The following CCBE1 variants were observed in gnomAD, a reference collection of about 807,000 sequenced individuals.
CCBE1 encodes the protein collagen and calcium-binding EGF domain-containing protein 1.
In CCBE1, 37 loss-of-function variants were observed where a neutral mutation model predicts 50.0. The ratio of observed to expected loss-of-function variants is 0.74; its 90% CI spans 0.57 to 0.97. CCBE1 has a LOEUF of 0.97. Ranked by LOEUF, CCBE1 falls within the 50% of genes least tolerant of loss-of-function variation. The pLI is 0.00. For synonymous variants in CCBE1, 234 were observed against 203.7 expected, an observed-to-expected ratio of 1.15 and a Z score of -1.27; for missense variants, 538 against 523.8, an observed-to-expected ratio of 1.03 and a Z score of -0.26.
chr18:59,683,825 G>T (rs537395388), intron 2 of CCBE1, among the ~76,000 whole-genome samples: 1 of 152,008 alleles, frequency 6.6e-6, no homozygotes, highest in African/African-American at 2.4e-5. Context: ...CTGCAAGCTG[G>T]GGTGTCCCTG....
At chr18:59,569,955 A>G (rs564903469) in intron 2 of CCBE1, among the ~76,000 whole-genome samples, 12 of 152,346 alleles carry the variant, frequency 7.9e-5, no homozygotes, top group Admixed American at 7.2e-4. Flanking sequence ...TTAGGCAAGT[A>G]TCACTACCCA....
At chr18:59,619,983 G>T (rs2053690077) in intron 2 of CCBE1, among the ~76,000 whole-genome samples, 1 of 152,196 alleles carries the variant, frequency 6.6e-6, no homozygotes, top group Non-Finnish European at 1.5e-5. Context: ...AGAGAGGGCG[G>T]TATTCCCAGT....
intron 2 of CCBE1, among the ~76,000 whole-genome samples, chr18:59,575,973 G>A (rs1192591950): frequency 6.6e-6 from 1 of 152,126 alleles, no homozygotes; most frequent in African/African-American, 2.4e-5. Flanking sequence ...CCAGCTCCAG[G>A]CAAACATTGA....
intron 2 of CCBE1, among the ~76,000 whole-genome samples, chr18:59,591,765 C>CA (rs2053273388): frequency 6.6e-6 from 1 of 152,202 alleles, no homozygotes; most frequent in Non-Finnish European, 1.5e-5. Flanking sequence ...ACAGAAACTA[C>CA]AAGTCCATTT....
intron 2 of CCBE1, among the ~76,000 whole-genome samples, chr18:59,524,389 T>C (rs1914732582): frequency 6.6e-6 from 1 of 152,170 alleles, no homozygotes; most frequent in Non-Finnish European, 1.5e-5. Context: ...TTGCACTTTG[T>C]TTTGTGAAAT....
intron 2 of CCBE1, among the ~76,000 whole-genome samples, chr18:59,604,081 C>T (rs1202445706): frequency 6.6e-6 from 1 of 152,200 alleles, no homozygotes; most frequent in Non-Finnish European, 1.5e-5. Flanking sequence ...TTTATCTCCT[C>T]TTATGCAGGC....
intron 10 of CCBE1, among the ~76,000 whole-genome samples, chr18:59,436,398 G>A (rs916826581): frequency 6.6e-6 from 1 of 152,164 alleles, no homozygotes; most frequent in African/African-American, 2.4e-5. Flanking sequence ...TAGAGGAAAG[G>A]ATATAAGAAT....
chr18:59,602,685 C>T (rs1207205876), intron 2 of CCBE1, among the ~76,000 whole-genome samples: 1 of 152,006 alleles, frequency 6.6e-6, no homozygotes, highest in Non-Finnish European at 1.5e-5. Flanking sequence ...CCAGGAAAGG[C>T]CTTATGGGAA....
chr18:59,579,194 G>A (rs1292211599), intron 2 of CCBE1, among the ~76,000 whole-genome samples: 2 of 152,020 alleles, frequency 1.3e-5, no homozygotes, highest in African/African-American at 2.4e-5. Context: ...TACTGTAATT[G>A]TGTATTTGAT....
At chr18:59,654,343 A>T (rs1347616519) in intron 2 of CCBE1, among the ~76,000 whole-genome samples, 1 of 152,352 alleles carries the variant, frequency 6.6e-6, no homozygotes, top group African/African-American at 2.4e-5. Flanking sequence ...AAGAACTGGG[A>T]AAAACAGCCC....
chr18:59,633,043 A>G (rs1358691900), intron 2 of CCBE1, among the ~76,000 whole-genome samples: 1 of 152,306 alleles, frequency 6.6e-6, no homozygotes, highest in East Asian at 1.9e-4. Context: ...AAGTGATTTA[A>G]TTAGTAAGAG....
At chr18:59,671,456 C>G (rs1178215696) in intron 2 of CCBE1, among the ~76,000 whole-genome samples, 1 of 150,284 alleles carries the variant, frequency 6.7e-6, no homozygotes, top group African/African-American at 2.5e-5. Context: ...CATGATTGTA[C>G]CATTGCATTC....
chr18:59,619,671 G>A (rs1044992977), intron 2 of CCBE1, among the ~76,000 whole-genome samples: 1 of 152,120 alleles, frequency 6.6e-6, no homozygotes, highest in Non-Finnish European at 1.5e-5. Flanking sequence ...TTTTGTTCTT[G>A]TCTGGTCAGA....
In CCBE1 at chr18:59,519,393, A is replaced by G. The variant is rs890909229; in HGVS notation, c.213-39155T>C. On this transcript the variant is annotated intron_variant, in intron 2 of 10. Transcript: ENST00000439986. The stretch of plus-strand genomic sequence containing the variant: ...TGAGGTTGCACACTAATATCACACT[A>G]AATATGAGAATGATTGAGCCCTCTG... 5.9e-5 allele frequency among the ~76,000 whole-genome samples: 9 copies of G among 152,334 alleles called. No homozygotes were observed. The East Asian group carries it at 1.7e-3, about 29-fold the overall frequency.
At chr18:59,646,000 C>T (rs2054050874) in intron 2 of CCBE1, among the ~76,000 whole-genome samples, 1 of 151,418 alleles carries the variant, frequency 6.6e-6, no homozygotes, top group South Asian at 2.1e-4. Context: ...CACTGCAGTC[C>T]AGCCTCCTGG....
At chr18:59,583,890 A>T (rs1182661059) in intron 2 of CCBE1, among the ~76,000 whole-genome samples, 1 of 152,118 alleles carries the variant, frequency 6.6e-6, no homozygotes, top group Non-Finnish European at 1.5e-5. Context: ...CAACACTTTT[A>T]CACTGCTGGT....
intron 2 of CCBE1, among the ~76,000 whole-genome samples, chr18:59,505,627 C>T (rs1330976611): frequency 1.3e-5 from 2 of 152,158 alleles, no homozygotes; most frequent in Non-Finnish European, 2.9e-5. Flanking sequence ...AATTTCATAT[C>T]TTCTAAAATA....
At chr18:59,693,001 CACAA>C (rs1231004505) in intron 2 of CCBE1, among the ~76,000 whole-genome samples, 63 of 145,456 alleles carry the variant, frequency 4.3e-4, no homozygotes, top group East Asian at 4.1e-3. Flanking sequence ...CACACACACA[CACAA>C]ACAAAAAACG....
At chr18:59,478,227 C>A (rs943405175) in intron 3 of CCBE1, among the ~76,000 whole-genome samples, 2 of 152,130 alleles carry the variant, frequency 1.3e-5, no homozygotes, top group South Asian at 2.1e-4. Context: ...AAGCCAATCC[C>A]TTTAAAAAAG....
Sources: allele counts gnomAD v4.1 joint callset (sites outside exome capture counted in the v4.1 genomes callset), GRCh38; gene constraint gnomAD v4.1.1; transcripts MANE v1.5; gene names NCBI Gene and HGNC (gene_info 2026-07-23, HGNC 2026-07-21).